Variants in PAN2 observed in about 807,000 individuals in gnomAD.
PAN2 encodes the protein poly(A) specific ribonuclease subunit PAN2.
PAN2 carries 68 observed loss-of-function variants against 133.3 expected under a neutral mutation model. The observed-to-expected ratio is 0.51, with a 90% CI of 0.42 to 0.62. The LOEUF is 0.62. Among genes scored for constraint, PAN2 ranks in the 20% least tolerant of loss-of-function variants. The pLI is 0.00. For synonymous variants in PAN2, 462 were observed against 544.6 expected (o/e 0.85, Z 2.11); for missense variants, 1,042 against 1,500.5 (o/e 0.69, Z 5.05).
chr12:56,322,245 A>G, intron 19 of PAN2, 77 bp from the exon 20 acceptor site: 1 of 1,101,590 alleles, frequency 9.1e-7, no homozygotes, highest in Non-Finnish European at 1.4e-6. Context: ...GGAGGCCAGG[A>G]CTCAGGTGCT....
Position 56,333,185 on chromosome 12 carries a change from T to A in PAN2, c.-91A>T. The A allele has an allele frequency of 5.8e-6, 8 of 1,377,130 alleles. No individual in the cohort carries two copies. In the South Asian group the frequency reaches 1.0e-4, roughly 18 times the overall value. The allele number at this position is 1,377,130 out of a possible 1,614,324, so 85.3% of individuals were successfully genotyped here. ...CCAACCTTCAGCAAGACAGCACCGA[T>A]GGGCCTAGAATGGACATCCTGGCCT... On this transcript the variant is annotated 5_prime_UTR_variant, in exon 2 of 26. Coordinates refer to ENST00000440411, the MANE Select transcript of PAN2 (RefSeq NM_014871.6).
In PAN2 at chr12:56,323,896, A is replaced by G. The variant is rs1271722504; in HGVS notation, c.2083T>C (p.Tyr695His). ...CGCTTCAGCACCTGAGCAAAGTCATAGTTCTTCCCAGTTTTATCTGAGGGA... is the reference window on the plus strand; with the variant it reads ...CGCTTCAGCACCTGAGCAAAGTCATGGTTCTTCCCAGTTTTATCTGAGGGA... Reference protein sequence around the residue: ...SYPDDKTGKNYDFAQVLKRSI... With the variant: ...SYPDDKTGKNHDFAQVLKRSI... The change falls in exon 14 of 26, where the codon TAT becomes CAT. Residue 695 changes from tyrosine (Y) to histidine (H), a missense_variant. Tyr to His is a moderately conservative substitution (Grantham distance 83). Transcript: ENST00000440411. The G allele has an allele frequency of 6.2e-7, 1 of 1,613,886 alleles. No individual in the cohort carries two copies.
chr12:56,325,568 C>T, intron 8 of PAN2, 114 bp from the exon 9 acceptor site: 1 of 1,094,580 alleles, frequency 9.1e-7, no homozygotes, highest in Admixed American at 2.1e-5. Flanking sequence ...ATATTCATAG[C>T]ACTCTCAGCA....
intron 1 of PAN2, 26 bp downstream of exon 1, chr12:56,333,832 CTGGG>C (rs1876189849): frequency 6.6e-6 from 1 of 152,210 alleles, no homozygotes; most frequent in African/African-American, 2.4e-5. Flanking sequence ...AGATGTGTTC[CTGGG>C]ATGCTTACGG....
intron 5 of PAN2, 22 bp from the exon 6 acceptor site, chr12:56,327,653 A>G (rs1483534125): frequency 6.2e-7 from 1 of 1,610,346 alleles, no homozygotes; most frequent in Non-Finnish European, 8.5e-7. Context: ...AAATTCAGTT[A>G]TCTGCAAATT....
In PAN2 at chr12:56,322,426, A is replaced by G; in HGVS notation, c.2694T>C (p.Asp898=). Residue 898 remains aspartate (D), a synonymous_variant, in exon 19 of 26, where the codon GAT becomes GAC. Coordinates refer to ENST00000440411, the MANE Select transcript of PAN2 (RefSeq NM_014871.6). ...AACAGAACATGTTGCAACTAACCTT[A>G]TCAATAGGTTCAATAAGAAAGTCAT... ...LFNDFLIEPI[D]KHEAVQFDMN... 2 of 1,609,880 alleles carry G rather than the reference A, an allele frequency of 1.2e-6. No homozygotes were observed. Among genetic ancestry groups the G allele is most frequent in the Non-Finnish European group, 1.7e-6 (2 of 1,176,124 alleles).
Position 56,320,027 on chromosome 12 carries a change from A to G in PAN2, c.2789-6T>C, listed in dbSNP as rs1874298579. ...TGCCTCAATAGGGTTCTTGACTAGA[A>G]GGGAGAATGCAGAGGACACAGGGCT... is the stretch of plus-strand genomic sequence containing the variant. On this transcript the variant is annotated splice_region_variant and splice_polypyrimidine_tract_variant and intron_variant, in intron 20 of 25. Transcript: ENST00000440411. The G allele has an allele frequency of 1.9e-6, 3 of 1,613,972 alleles. No individual in the cohort carries two copies. The highest frequency in any genetic ancestry group is 1.3e-5 in the African/African-American group (1 of 74,934).
rs113267084 is a variant in PAN2, at chr12:56,331,712, T to G, written c.282+1101A>C. 6.3e-3 allele frequency among the ~76,000 whole-genome samples: 920 copies of G among 145,836 alleles called. 9 individuals are homozygous for G. Among genetic ancestry groups the G allele is most frequent in the Middle Eastern group, 0.026 (7 of 272 alleles). ...AATGAAGGACAGCGTTTTTTTTTTT[T>G]TTGTTTTTTGTTTTTTTTTGAGACG... On this transcript the variant is annotated intron_variant, in intron 2 of 25. Coordinates refer to ENST00000440411, the MANE Select transcript of PAN2 (RefSeq NM_014871.6).
At chr12:56,322,385 G>C (rs1424591116) in intron 19 of PAN2, 38 bp downstream of exon 19, 6 of 1,528,650 alleles carry the variant, frequency 3.9e-6, no homozygotes, top group Non-Finnish European at 5.4e-6. Context: ...CTAGGAAAAG[G>C]GGAAATGAAA....
chr12:56,323,711 T>G, intron 14 of PAN2, 96 bp downstream of exon 14: 1 of 1,400,880 alleles, frequency 7.1e-7, no homozygotes, highest in Non-Finnish European at 1.0e-6. Flanking sequence ...CAGAGATCCC[T>G]GGATGGCAGT....
intron 20 of PAN2, among the ~76,000 whole-genome samples, chr12:56,320,401 G>A (rs1031381818): frequency 9.2e-5 from 14 of 152,192 alleles, no homozygotes; most frequent in African/African-American, 2.7e-4. Context: ...ACTTTGGGAG[G>A]CCGAGGCGGG....
chr12:56,324,010 C>G (rs374813513), intron 13 of PAN2, 39 bp downstream of exon 13: 2 of 1,612,744 alleles, frequency 1.2e-6, no homozygotes, highest in Admixed American at 1.7e-5. Flanking sequence ...TTTTGGGGAG[C>G]CTTCCCAACT....
In PAN2 at chr12:56,323,872, G is replaced by A. The variant is rs759172607; in HGVS notation, c.2107C>T (p.Arg703Ter). 3.7e-6 allele frequency: 6 copies of A among 1,614,024 alleles called. No homozygotes were observed. Among genetic ancestry groups the A allele is most frequent in the East Asian group, 2.2e-5 (1 of 44,896 alleles). ...GTATTCTGGTCCAGGCAGATGCTTC[G>A]CTTCAGCACCTGAGCAAAGTCATAG... The part of the protein sequence containing the change: ...KNYDFAQVLK[R>*]SICLDQNTQA... Residue 703 changes from arginine (R) to a stop codon, truncating the protein, a stop_gained, in exon 14 of 26, where the codon CGA (arginine) becomes TGA (stop). Coordinates refer to ENST00000440411, the MANE Select transcript of PAN2 (RefSeq NM_014871.6). LOFTEE classifies it high-confidence loss of function.
rs1375045576 is a variant in PAN2, at chr12:56,324,154, C to T, written c.1960G>A (p.Gly654Arg). ...SFCSSGDSVI[G>R]QLFSCEMENC... ...TCCATCTCACAGCTGAAGAGCTGCC[C>T]AATAACAGAGTCCCCCGATGAGCAA... Residue 654 changes from glycine to arginine, a missense_variant, in exon 13 of 26, where the codon GGG (glycine) becomes AGG (arginine). By Grantham distance (125) the Gly-to-Arg change is moderately radical (BLOSUM62 -2). Coordinates refer to ENST00000440411, the MANE Select transcript of PAN2 (RefSeq NM_014871.6). 6.2e-7 allele frequency: 1 copy of T among 1,613,958 alleles called. No individual in the cohort carries two copies. Among genetic ancestry groups the T allele is most frequent in the East Asian group, 2.2e-5 (1 of 44,870 alleles).
In PAN2 at chr12:56,328,600, G is replaced by A; in HGVS notation, c.324C>T (p.Tyr108=). Residue 108 remains tyrosine, a synonymous_variant, in exon 3 of 26, where the codon TAC becomes TAT. Transcript: ENST00000440411. Reference sequence around the variant, plus strand: ...CACTGCCATTGACTTGAAAGGATGAGTAGCGCTCCAAGGCTGGGCCAAAAA... The same window carrying A: ...CACTGCCATTGACTTGAAAGGATGAATAGCGCTCCAAGGCTGGGCCAAAAA... ...TSFFGPALER[Y]SSFQVNGSDD... is the part of the protein sequence containing the mutation. 1 of 1,614,194 alleles carries A rather than the reference G, an allele frequency of 6.2e-7. No individual in the cohort carries two copies. Among genetic ancestry groups the A allele is most frequent in the African/African-American group, 1.3e-5 (1 of 75,068 alleles).
chr12:56,328,965 C>T (rs1875429493), intron 2 of PAN2, among the ~76,000 whole-genome samples: 1 of 152,208 alleles, frequency 6.6e-6, no homozygotes, highest in Admixed American at 6.5e-5. Context: ...CAATTCTCTA[C>T]TGGCCAGCTG....
intron 14 of PAN2, 84 bp downstream of exon 14, chr12:56,323,723 C>T: frequency 7.0e-7 from 1 of 1,420,676 alleles, no homozygotes; most frequent in Non-Finnish European, 9.9e-7. Flanking sequence ...GATGGCAGTG[C>T]TGACAGAGCC....
At chr12:56,329,338 A>G (rs546772870) in intron 2 of PAN2, among the ~76,000 whole-genome samples, 12 of 151,684 alleles carry the variant, frequency 7.9e-5, no homozygotes, top group African/African-American at 2.9e-4. Flanking sequence ...ATTTTTATTT[A>G]TGTATTTATT....
intron 2 of PAN2, among the ~76,000 whole-genome samples, chr12:56,329,412 T>C (rs1875486887): frequency 6.6e-6 from 1 of 152,112 alleles, no homozygotes; most frequent in Non-Finnish European, 1.5e-5. Flanking sequence ...CTCAGCTCAC[T>C]GCAACCTCTG....
Sources: gnomAD v4.1 joint callset for allele counts (sites outside exome capture counted in the v4.1 genomes callset) on GRCh38, gnomAD v4.1.1 for gene constraint, MANE v1.5 for transcripts, NCBI Gene and HGNC (gene_info 2026-07-23, HGNC 2026-07-21) for gene names.